LONP1: variants seen among roughly 807,000 people sequenced by gnomAD.
LONP1 encodes the protein lon protease homolog, mitochondrial.
In LONP1, 31 loss-of-function variants were observed where a neutral mutation model predicts 98.5. The ratio of observed to expected loss-of-function variants is 0.31; its 90% CI spans 0.24 to 0.42. The LOEUF is 0.42. Among genes scored for constraint, LONP1 ranks in the 20% least tolerant of loss-of-function variants. The pLI is 1.00. For synonymous variants in LONP1, 781 were observed against 594.7 expected, an observed-to-expected ratio of 1.31 and a Z score of -4.56; for missense variants, 1,336 against 1,350.6, an observed-to-expected ratio of 0.99 and a Z score of 0.17.
intron 8 of LONP1, among the ~76,000 whole-genome samples, chr19:5,701,139 C>T (rs2055033650): frequency 1.3e-5 from 2 of 152,152 alleles, no homozygotes; most frequent in African/African-American, 2.4e-5. Flanking sequence ...CTCAGCAAGA[C>T]CCCATCTCTA....
Position 5,692,059 on chromosome 19 carries a change from C to G in LONP1, c.2853G>C (p.Gln951His), listed in dbSNP as rs370434508. The G allele has an allele frequency of 5.8e-5, 94 of 1,613,722 alleles. 1 individual carries two copies. The highest frequency in any genetic ancestry group is 4.9e-4 in the East Asian group (22 of 44,888). The change falls in exon 18 of 18, where the codon CAG (glutamine) becomes CAC (histidine). Residue 951 changes from glutamine to histidine, a missense_variant. Gln to His is a conservative substitution (Grantham distance 24, BLOSUM62 0). Transcript: ENST00000360614. ...EIFDIAFPDE[Q>H]AEALAVER ...ACCGTTCCACGGCCAGCGCCTCTGC[C>G]TGCTCGTCCGGGAAGGCGATGTCGA...
intron 13 of LONP1, 151 bp from the exon 14 acceptor site, chr19:5,695,052 C>G: frequency 2.2e-6 from 2 of 895,152 alleles, no homozygotes; most frequent in Non-Finnish European, 1.6e-6. Flanking sequence ...ACACCCCGCC[C>G]TGCCACCCAC....
chr19:5,696,310 T>G lies in LONP1; in HGVS notation c.1835A>C (p.Asp612Ala), dbSNP rs376479211. The change falls in exon 12 of 18, where the codon GAC becomes GCC. Residue 612 changes from aspartate to alanine, a missense_variant. Transcript: ENST00000360614. ...CAGGAAGTTGGCATTCTGCTCTGGG[T>G]CCAGCAGCTCCAGCAGTGCCGACGA... is the stretch of plus-strand genomic sequence containing the variant. Reference protein sequence around the residue: ...DPSSALLELLDPEQNANFLDH... With the variant: ...DPSSALLELLAPEQNANFLDH... 2 of 1,613,316 alleles carry G rather than the reference T, an allele frequency of 1.2e-6. No homozygotes were observed. Among genetic ancestry groups the G allele is most frequent in the Non-Finnish European group, 1.7e-6 (2 of 1,179,882 alleles).
Position 5,713,118 on chromosome 19 carries a change from C to T in LONP1, c.638+16G>A. 1 of 1,613,926 alleles carries T rather than the reference C, an allele frequency of 6.2e-7. No individual in the cohort carries two copies. Among genetic ancestry groups the T allele is most frequent in the Non-Finnish European group, 8.5e-7 (1 of 1,179,938 alleles). ...ACTCTGCCCCCACCTCCCACTGTCC[C>T]CCGCCAGCCACCCACCTTCTGTGTC... On this transcript the variant is annotated intron_variant, in intron 3 of 17. Transcript: ENST00000360614.
chr19:5,696,988 A>G (rs540095441), intron 10 of LONP1, among the ~76,000 whole-genome samples: 2 of 152,262 alleles, frequency 1.3e-5, no homozygotes, highest in African/African-American at 4.8e-5. Context: ...TCAAAGCCAG[A>G]TCTCCCTCAG....
intron 15 of LONP1, 121 bp from the exon 16 acceptor site, chr19:5,693,890 A>C (rs1282552156): frequency 2.4e-6 from 2 of 831,692 alleles, no homozygotes; most frequent in Non-Finnish European, 3.8e-6. Context: ...GCCCCTGGGC[A>C]GGGGTTGGTG....
At chr19:5,720,330 A>G (rs533800175), upstream of LONP1, 87 of 810,540 alleles carry the variant, frequency 1.1e-4, 1 homozygote, top group African/African-American at 1.4e-3. Context: ...CTCCCACTTT[A>G]TGCGCTGAAG....
At chr19:5,692,302 C>A in intron 17 of LONP1, 94 bp from the exon 18 acceptor site, 1 of 1,229,774 alleles carries the variant, frequency 8.1e-7, no homozygotes, top group Non-Finnish European at 1.1e-6. Flanking sequence ...TGGGGACCGG[C>A]GATACACAGT....
chr19:5,702,682 C>T (rs1190651588), intron 8 of LONP1, among the ~76,000 whole-genome samples: 2 of 152,070 alleles, frequency 1.3e-5, no homozygotes, highest in African/African-American at 2.4e-5. Flanking sequence ...AAGAAAAATT[C>T]TTCTGCCTTG....
rs1568309526 is a variant in LONP1 at position 5,693,286 on chromosome 19, A to C, written c.2703+12T>G. ...CCTGCCAGTGCTGTGGGGTGGGTAC[A>C]GGGACACTCACCGCAATGGTCTTCT... On this transcript the variant is annotated intron_variant, in intron 17 of 17. Transcript: ENST00000360614. 4 of 1,604,978 alleles carry C rather than the reference A, an allele frequency of 2.5e-6. No individual in the cohort carries two copies. Among genetic ancestry groups the C allele is most frequent in the Non-Finnish European group, 3.4e-6 (4 of 1,173,970 alleles).
chr19:5,696,985 C>T (rs1236445117), intron 10 of LONP1, among the ~76,000 whole-genome samples: 3 of 152,214 alleles, frequency 2.0e-5, no homozygotes, highest in African/African-American at 7.2e-5. Context: ...GATTCAAAGC[C>T]AGATCTCCCT....
At chr19:5,718,422 G>A (rs1357016775) in intron 1 of LONP1, among the ~76,000 whole-genome samples, 1 of 151,086 alleles carries the variant, frequency 6.6e-6, no homozygotes, top group East Asian at 1.9e-4. Flanking sequence ...AGGTTGCAGT[G>A]AGCTGAAATC....
chr19:5,706,027 C>T (rs770405719), intron 7 of LONP1, 35 bp from the exon 8 acceptor site: 1 of 1,530,396 alleles, frequency 6.5e-7, no homozygotes, highest in Non-Finnish European at 9.0e-7. Flanking sequence ...GGCCCTGGCT[C>T]CGGGAAGCTG....
At chr19:5,696,224 C>T (rs1330607367) in intron 12 of LONP1, 25 bp downstream of exon 12, 6 of 1,612,764 alleles carry the variant, frequency 3.7e-6, no homozygotes, top group Non-Finnish European at 5.1e-6. Flanking sequence ...CCCCAGCAAG[C>T]CCAGGCCCCA....
intron 1 of LONP1, among the ~76,000 whole-genome samples, chr19:5,718,787 TTCTC>T (rs945222046): frequency 2.6e-5 from 4 of 151,930 alleles, no homozygotes; most frequent in African/African-American, 4.8e-5. Flanking sequence ...ACTCACTGCT[TTCTC>T]TCTATTACAT....
In LONP1 at chr19:5,720,071, C is replaced by G; in HGVS notation, c.62G>C (p.Arg21Pro). Residue 21 changes from arginine to proline, a missense_variant, in exon 1 of 18, where the codon CGG (arginine) becomes CCG (proline). Arg to Pro is a moderately radical substitution (Grantham distance 103). Around this residue, in one of 5 missense-constraint regions of LONP1, gnomAD observed 457 missense variants for 403.1 expected, o/e 1.13. Coordinates refer to ENST00000360614, the MANE Select transcript of LONP1 (RefSeq NM_004793.4). ...WGAARCWVLRRPMLAAAGGRV... is the reference protein window; with the variant it reads ...WGAARCWVLRPPMLAAAGGRV... ...CCCCCCGGCGGCGGCCAGCATCGGCCGCCGCAGCACCCAGCACCGCGCCGC... is the reference window on the plus strand; with the variant it reads ...CCCCCCGGCGGCGGCCAGCATCGGCGGCCGCAGCACCCAGCACCGCGCCGC... 1 of 1,525,976 alleles carries G rather than the reference C, an allele frequency of 6.6e-7. No individual in the cohort carries two copies. The highest frequency in any genetic ancestry group is 8.8e-7 in the Non-Finnish European group (1 of 1,142,628). 94.5% of individuals were successfully genotyped at this position (1,525,976 alleles called of 1,614,324 possible).
At chr19:5,717,930 A>C (rs1319199115) in intron 1 of LONP1, among the ~76,000 whole-genome samples, 2 of 132,880 alleles carry the variant, frequency 1.5e-5, no homozygotes, top group African/African-American at 5.8e-5. Context: ...GTCTATGTTG[A>C]CCATACTGGT....
At chr19:5,716,303 AAT>A (rs2055322840) in intron 1 of LONP1, among the ~76,000 whole-genome samples, 1 of 72,732 alleles carries the variant, frequency 1.4e-5, no homozygotes, top group South Asian at 6.0e-4. Flanking sequence ...TATATATAGT[AAT>A]GGCCCTCAAA....
In LONP1 at chr19:5,698,709, G is replaced by A. The variant is rs371830948; in HGVS notation, c.1685+318C>T. 1.8e-4 allele frequency among the ~76,000 whole-genome samples: 27 copies of A among 152,310 alleles called. No homozygotes were observed. In the East Asian group the frequency reaches 4.0e-3, roughly 23 times the overall value. ...ATAGACCAGCATCTGCACGGCAAAC[G>A]CCGGCCCTGCAGCTCTGGCCCGGGC... is the stretch of plus-strand genomic sequence containing the variant. On this transcript the variant is annotated intron_variant, in intron 10 of 17. Transcript: ENST00000360614.
Sources: allele counts gnomAD v4.1 joint callset (sites outside exome capture counted in the v4.1 genomes callset), GRCh38; gene constraint gnomAD v4.1.1; regional missense constraint gnomAD v4.1.1; transcripts MANE v1.5; gene names NCBI Gene and HGNC (gene_info 2026-07-23, HGNC 2026-07-21).